The following WWC1 variants were observed in gnomAD, a reference collection of about 807,000 sequenced individuals.
WWC1 encodes the protein protein KIBRA.
WWC1 carries 55 observed loss-of-function variants against 138.4 expected under a neutral mutation model. That is an observed-to-expected ratio of 0.40 (90% CI 0.32 to 0.50). The LOEUF (loss-of-function observed/expected upper bound fraction) is 0.50, where lower values mean the gene tolerates loss of function less well. Among genes scored for constraint, WWC1 ranks in the 20% least tolerant of loss-of-function variants. The probability of loss-of-function intolerance (pLI) is 0.72; values close to 1 mark genes in which losing one functional copy is unlikely to be tolerated. For synonymous variants in WWC1, 524 were observed against 564.9 expected (o/e 0.93, Z 1.03); for missense variants, 1,226 against 1,420.4 (o/e 0.86, Z 2.20).
chr5:168,371,369 G>A (rs1322857067), intron 1 of WWC1, 55 bp from the exon 2 acceptor site: 6 of 1,347,740 alleles, frequency 4.5e-6, no homozygotes, highest in Non-Finnish European at 6.4e-6. Flanking sequence ...GCAGCAGGTT[G>A]CAGGCATTTG....
chr5:168,312,741 G>A lies in WWC1; in HGVS notation c.119+20470G>A, dbSNP rs558293485. Among the ~76,000 whole-genome samples the A allele has an allele frequency of 1.8e-4, 28 of 152,044 alleles. No homozygotes were observed. The East Asian group carries it at 2.7e-3, about 15-fold the overall frequency. Reference sequence around the variant, plus strand: ...TGGACTATCACTTGGTACAGGAGACGTCAGGGGTCATGTGGTGCCAACCGC... The same window carrying A: ...TGGACTATCACTTGGTACAGGAGACATCAGGGGTCATGTGGTGCCAACCGC... On this transcript the variant is annotated intron_variant, in intron 1 of 22. Coordinates refer to ENST00000265293, the MANE Select transcript of WWC1 (RefSeq NM_015238.3).
At chr5:168,319,585 G>A (rs990353035) in intron 1 of WWC1, among the ~76,000 whole-genome samples, 8 of 152,096 alleles carry the variant, frequency 5.3e-5, no homozygotes, top group African/African-American at 1.9e-4. Flanking sequence ...TACTGCAGCC[G>A]CTACTTCCTG....
chr5:168,335,575 C>T (rs1773388290), intron 1 of WWC1, among the ~76,000 whole-genome samples: 1 of 152,190 alleles, frequency 6.6e-6, no homozygotes, highest in East Asian at 1.9e-4. Flanking sequence ...GCTAATTAAA[C>T]AGAAGAGGAA....
chr5:168,330,189 G>A (rs1024427703), intron 1 of WWC1, among the ~76,000 whole-genome samples: 8 of 152,116 alleles, frequency 5.3e-5, no homozygotes, highest in Admixed American at 1.3e-4. Flanking sequence ...AAATGTTCCC[G>A]TGCCCCTGCC....
rs144986345 is a variant in WWC1, at chr5:168,442,682, T to C, written c.2433+848T>C. Among the ~76,000 whole-genome samples, 331 of 151,392 alleles carry C rather than the reference T, an allele frequency of 2.2e-3. 2 individuals are homozygous for C. The highest frequency in any genetic ancestry group is 7.2e-3 in the African/African-American group (298 of 41,302). On this transcript the variant is annotated intron_variant, in intron 16 of 22. Transcript: ENST00000265293. The stretch of plus-strand genomic sequence containing the variant: ...TGAAACCCTGTCTCTACTAAAATTC[T>C]AAAAATTAGCCAAGCATGATGGCAG...
At chr5:168,350,767 G>A (rs1029985933) in intron 1 of WWC1, among the ~76,000 whole-genome samples, 8 of 152,234 alleles carry the variant, frequency 5.3e-5, no homozygotes, top group Admixed American at 3.3e-4. Flanking sequence ...TGCAAACAAT[G>A]AGCTAAATGA....
rs182649383 is a variant in WWC1 at position 168,355,245 on chromosome 5, G to C, written c.120-16179G>C. Among the ~76,000 whole-genome samples, 8 of 151,764 alleles carry C rather than the reference G, an allele frequency of 5.3e-5. No homozygotes were observed. In the East Asian group the frequency reaches 1.6e-3, roughly 30 times the overall value. On this transcript the variant is annotated intron_variant, in intron 1 of 22. Transcript: ENST00000265293. ...GTGGTGGCTCACGCCTGTAATCCCA[G>C]CACTTTGGGAGGCTGAGGTGGGCGG...
rs576688072 is a variant in WWC1 at position 168,468,717 on chromosome 5, G to A, written c.3276-234G>A. ...CTTTTAAAGCAGTGGTTCTCAACCAGGGGTGATTTCTCCCCTTCCCCCTGG... is the reference window on the plus strand; with the variant it reads ...CTTTTAAAGCAGTGGTTCTCAACCAAGGGTGATTTCTCCCCTTCCCCCTGG... On this transcript the variant is annotated intron_variant, in intron 22 of 22. Coordinates refer to ENST00000265293, the MANE Select transcript of WWC1 (RefSeq NM_015238.3). 2.6e-5 allele frequency among the ~76,000 whole-genome samples: 4 copies of A among 152,264 alleles called. No homozygotes were observed. The East Asian group carries it at 7.7e-4, about 29-fold the overall frequency.
Position 168,292,326 on chromosome 5 carries a change from T to G in WWC1, c.119+55T>G, listed in dbSNP as rs1232558291. ...CCACACCCCCGCCTGGGCCCCCACC[T>G]GCCCCTGGAGCCGCCGGCCGGGACT... is the stretch of plus-strand genomic sequence containing the variant. On this transcript the variant is annotated intron_variant, in intron 1 of 22. Transcript: ENST00000265293. The surrounding 1 kb of genome is among the most constrained non-coding windows in gnomAD (Gnocchi z 4.4). 1.3e-6 allele frequency: 2 copies of G among 1,512,124 alleles called. No homozygotes were observed. The highest frequency in any genetic ancestry group is 1.8e-6 in the Non-Finnish European group (2 of 1,125,980). The allele number at this position is 1,512,124 out of a possible 1,614,324, so 93.7% of individuals were successfully genotyped here.
intron 1 of WWC1, among the ~76,000 whole-genome samples, chr5:168,332,116 A>G (rs1488169099): frequency 6.6e-6 from 1 of 151,810 alleles, no homozygotes; most frequent in Non-Finnish European, 1.5e-5. Flanking sequence ...ACTGTACTCC[A>G]GCCCAGGTGA....
In WWC1 at chr5:168,428,101, G is replaced by A. The variant is rs1781646508; in HGVS notation, c.1879G>A (p.Val627Met). 6.2e-7 allele frequency: 1 copy of A among 1,613,714 alleles called. No homozygotes were observed. Among genetic ancestry groups the A allele is most frequent in the Non-Finnish European group, 8.5e-7 (1 of 1,179,826 alleles). Residue 627 changes from valine (V) to methionine (M), a missense_variant, in exon 12 of 23, where the codon GTG becomes ATG. Val to Met is a conservative substitution (Grantham distance 21). Transcript: ENST00000265293. ...CTCAGCCGCCGTATCGGACGAGTCA[G>A]TGGCTGGAGACAGTGGTGTGTACGA... The part of the protein sequence containing the change: ...CVSAAVSDES[V>M]AGDSGVYEAS...
intron 7 of WWC1, among the ~76,000 whole-genome samples, chr5:168,409,110 C>G (rs1384325446): frequency 6.6e-6 from 1 of 152,176 alleles, no homozygotes; most frequent in African/African-American, 2.4e-5. Flanking sequence ...AAAGCTCAGT[C>G]CAGTCCTAGT....
Position 168,426,695 on chromosome 5 carries a change from C to A in WWC1, c.1811-1338C>A, listed in dbSNP as rs371226946. ...GGACGCAGGCTCAGCTTCCCCATCACCAGCACTTGCAGTCTCCCAGACCCG... is the reference window on the plus strand; with the variant it reads ...GGACGCAGGCTCAGCTTCCCCATCAACAGCACTTGCAGTCTCCCAGACCCG... On this transcript the variant is annotated intron_variant, in intron 11 of 22. Coordinates refer to ENST00000265293, the MANE Select transcript of WWC1 (RefSeq NM_015238.3). Among the ~76,000 whole-genome samples, 10 of 152,354 alleles carry A rather than the reference C, an allele frequency of 6.6e-5. No homozygotes were observed. In the East Asian group the frequency reaches 1.7e-3, roughly 26 times the overall value.
intron 1 of WWC1, among the ~76,000 whole-genome samples, chr5:168,353,052 T>A (rs543768219): frequency 2.6e-5 from 4 of 152,332 alleles, no homozygotes; most frequent in African/African-American, 9.6e-5. Context: ...GTGAAGTTAC[T>A]TCATTGGCTG....
intron 7 of WWC1, among the ~76,000 whole-genome samples, chr5:168,409,453 G>A (rs970074886): frequency 2.0e-5 from 3 of 152,178 alleles, no homozygotes; most frequent in Non-Finnish European, 4.4e-5. Flanking sequence ...TATTTGTAAA[G>A]GAACTGTACC....
chr5:168,430,290 T>A, intron 14 of WWC1, 67 bp downstream of exon 14: 1 of 1,351,318 alleles, frequency 7.4e-7, no homozygotes, highest in Non-Finnish European at 1.0e-6. Context: ...GGGGGTCACT[T>A]TTCTGCCCTG....
intron 17 of WWC1, among the ~76,000 whole-genome samples, chr5:168,451,815 A>C (rs1432450102): frequency 6.6e-6 from 1 of 152,094 alleles, no homozygotes; most frequent in Non-Finnish European, 1.5e-5. Flanking sequence ...AACAACACCA[A>C]GTGTAGTGAG....
At chr5:168,445,008 ACTT>A (rs1297387796) in intron 17 of WWC1, among the ~76,000 whole-genome samples, 2 of 152,144 alleles carry the variant, frequency 1.3e-5, no homozygotes, top group South Asian at 2.1e-4. Flanking sequence ...TTAGAAGTTT[ACTT>A]CTTCTTCACT....
chr5:168,427,725 A>G (rs1047821409), intron 11 of WWC1, among the ~76,000 whole-genome samples: 1 of 151,756 alleles, frequency 6.6e-6, no homozygotes, highest in African/African-American at 2.4e-5. Context: ...AGGCCAAAGC[A>G]GGCAGATCGC....
Sources: gnomAD v4.1 joint callset for allele counts (sites outside exome capture counted in the v4.1 genomes callset) on GRCh38, gnomAD v4.1.1 for gene constraint, Gnocchi (gnomAD v3.1) non-coding constraint, MANE v1.5 for transcripts, NCBI Gene and HGNC (gene_info 2026-07-23, HGNC 2026-07-21) for gene names.